TRAF1: variants seen among roughly 807,000 people sequenced by gnomAD.
TRAF1 encodes the protein TNF receptor-associated factor 1.
A neutral mutation model predicts 40.9 loss-of-function variants in TRAF1; 23 were observed. That is an observed-to-expected ratio of 0.56 (90% CI 0.40 to 0.80). The LOEUF is 0.80. TRAF1 is among the 30% of genes least tolerant of loss of function. The pLI, the probability that TRAF1 is intolerant of heterozygous loss-of-function variation, is 0.00. For missense variants in TRAF1, 477 were observed against 528.7 expected, an observed-to-expected ratio of 0.90 and a Z score of 0.96; for synonymous variants, 206 against 218.8, an observed-to-expected ratio of 0.94 and a Z score of 0.52.
rs541427140 is a variant in TRAF1 at position 120,902,689 on chromosome 9, A to C, written c.*2331T>G. ...ATCCTCTGCATTTCACAATATTCTC[A>C]GGCTGAGCTTAAAGGCCTGAAGCCT... On this transcript the variant is annotated 3_prime_UTR_variant, in exon 8 of 8. Transcript: ENST00000373887. 6.6e-5 allele frequency: 10 copies of C among 152,342 alleles called. No individual in the cohort carries two copies. Among genetic ancestry groups the C allele is most frequent in the African/African-American group, 2.4e-4 (10 of 41,546 alleles). 9.4% of individuals were successfully genotyped at this position (152,342 alleles called of 1,614,324 possible).
chr9:120,913,957 G>C (rs1054402281), intron 4 of TRAF1, among the ~76,000 whole-genome samples: 2 of 152,178 alleles, frequency 1.3e-5, no homozygotes, highest in African/African-American at 4.8e-5. Flanking sequence ...CCCTGCCCTG[G>C]AGTGCAAGGA....
chr9:120,909,537 G>A (rs186018255), intron 6 of TRAF1, among the ~76,000 whole-genome samples, 159 bp from the exon 7 acceptor site: 118 of 152,278 alleles, frequency 7.7e-4, no homozygotes, highest in Non-Finnish European at 1.5e-3. Flanking sequence ...GACAGGAATG[G>A]GCTCTTGGGG....
In TRAF1 at chr9:120,905,083, G is replaced by C. The variant is rs1223870503; in HGVS notation, c.1188C>G (p.Pro396=). 1.2e-6 allele frequency: 2 copies of C among 1,614,270 alleles called. No homozygotes were observed. The highest frequency in any genetic ancestry group is 2.2e-5 in the South Asian group (2 of 91,086). ...LFFPLSKLQS[P]KHAYVKDDTM... is the part of the protein sequence containing the mutation. ...TGTCGTCCTTCACGTAGGCGTGCTTGGGTGACTGCAGTTTGCTGAGGGGGA... is the reference window on the plus strand; with the variant it reads ...TGTCGTCCTTCACGTAGGCGTGCTTCGGTGACTGCAGTTTGCTGAGGGGGA... Residue 396 remains proline, a synonymous_variant, in exon 8 of 8, where the codon CCC becomes CCG. Transcript: ENST00000373887.
intron 3 of TRAF1, among the ~76,000 whole-genome samples, chr9:120,919,487 C>T (rs1340510239): frequency 6.6e-6 from 1 of 152,138 alleles, no homozygotes; most frequent in Non-Finnish European, 1.5e-5. Flanking sequence ...CTCTGCAGCC[C>T]CTGCACAGAA....
intron 3 of TRAF1, among the ~76,000 whole-genome samples, chr9:120,915,511 A>G (rs1401101244): frequency 1.3e-5 from 2 of 152,184 alleles, no homozygotes; most frequent in Non-Finnish European, 2.9e-5. Context: ...AACTCTTACA[A>G]CCTAATAAGA....
intron 4 of TRAF1, 112 bp from the exon 5 acceptor site, chr9:120,913,850 A>C: frequency 1.6e-6 from 2 of 1,273,076 alleles, no homozygotes; most frequent in Non-Finnish European, 2.1e-6. Context: ...ACCCAGCAAA[A>C]AGGAGTGGCT....
intron 3 of TRAF1, among the ~76,000 whole-genome samples, chr9:120,919,078 C>T (rs1418370611): frequency 1.3e-5 from 2 of 152,284 alleles, no homozygotes; most frequent in East Asian, 1.9e-4. Context: ...TGGCCTCACT[C>T]AAAGGCCAGG....
intron 2 of TRAF1, among the ~76,000 whole-genome samples, chr9:120,925,066 C>T (rs981302418): frequency 5.9e-5 from 9 of 152,254 alleles, no homozygotes; most frequent in Admixed American, 2.6e-4. Flanking sequence ...AGCCTCTCCT[C>T]GCTATTCTCA....
chr9:120,906,759 A>G (rs982468104), intron 7 of TRAF1, among the ~76,000 whole-genome samples: 1 of 152,222 alleles, frequency 6.6e-6, no homozygotes, highest in African/African-American at 2.4e-5. Context: ...CCATAACAGT[A>G]TCAAACAGAA....
At chr9:120,911,119 G>A (rs562244946) in intron 6 of TRAF1, among the ~76,000 whole-genome samples, 2 of 152,244 alleles carry the variant, frequency 1.3e-5, no homozygotes, top group Non-Finnish European at 2.9e-5. Flanking sequence ...TGGGGCCACC[G>A]CTATGTGTGG....
rs186886612 is a variant in TRAF1 at position 120,904,117 on chromosome 9, G to A, written c.*903C>T. 2 of 152,380 alleles carry A rather than the reference G, an allele frequency of 1.3e-5. No individual in the cohort carries two copies. The highest frequency in any genetic ancestry group is 1.3e-4 in the Admixed American group (2 of 15,308). 9.4% of individuals were successfully genotyped at this position (152,380 alleles called of 1,614,324 possible). ...AAGGTGGGGCCTCTAGGCAGGAAGA[G>A]GAAAGTTTATGCCCCTCTTCTTCTT... On this transcript the variant is annotated 3_prime_UTR_variant, in exon 8 of 8. Transcript: ENST00000373887.
chr9:120,919,402 C>T (rs888360313), intron 3 of TRAF1, among the ~76,000 whole-genome samples: 3 of 150,166 alleles, frequency 2.0e-5, no homozygotes, highest in Non-Finnish European at 4.5e-5. Context: ...TGGGCCCTAG[C>T]GGGGGGCCCC....
intron 3 of TRAF1, among the ~76,000 whole-genome samples, chr9:120,916,534 C>T (rs2131628412): frequency 6.6e-6 from 1 of 152,116 alleles, no homozygotes; most frequent in African/African-American, 2.4e-5. Context: ...TGGACGAAAG[C>T]AGGAGAGGAC....
At chr9:120,909,168 C>T in intron 7 of TRAF1, 62 bp downstream of exon 7, 1 of 1,568,326 alleles carries the variant, frequency 6.4e-7, no homozygotes, top group South Asian at 1.2e-5. Context: ...CATTGCCAAA[C>T]CAGGACTAGG....
chr9:120,923,119 A>G (rs767508946), intron 3 of TRAF1, among the ~76,000 whole-genome samples: 8 of 152,186 alleles, frequency 5.3e-5, no homozygotes, highest in Non-Finnish European at 8.8e-5. Flanking sequence ...AATTACAGGC[A>G]TGTAATTCTA....
chr9:120,913,745 A>G lies in TRAF1; in HGVS notation c.295-7T>C, dbSNP rs1366732135. 6.4e-7 allele frequency: 1 copy of G among 1,556,364 alleles called. No homozygotes were observed. The highest frequency in any genetic ancestry group is 8.7e-7 in the Non-Finnish European group (1 of 1,148,506). ...GCACAGACTGTGGGCTTCCCTGACA[A>G]GAGAGTGGGGCTGATCAGTGAAAAC... On this transcript the variant is annotated splice_region_variant and splice_polypyrimidine_tract_variant and intron_variant, in intron 4 of 7. Coordinates refer to ENST00000373887, the MANE Select transcript of TRAF1 (RefSeq NM_005658.5).
At chr9:120,910,636 A>G (rs1445801439) in intron 6 of TRAF1, among the ~76,000 whole-genome samples, 1 of 152,100 alleles carries the variant, frequency 6.6e-6, no homozygotes. Flanking sequence ...GCCTCAAATG[A>G]TCCTCTTGCC....
intron 2 of TRAF1, among the ~76,000 whole-genome samples, chr9:120,925,505 T>A (rs1471281432): frequency 6.6e-6 from 1 of 152,268 alleles, no homozygotes; most frequent in Non-Finnish European, 1.5e-5. Context: ...AGGAGAGATA[T>A]TCGTCTAACA....
At chr9:120,907,289 G>C (rs991804119) in intron 7 of TRAF1, among the ~76,000 whole-genome samples, 1 of 152,136 alleles carries the variant, frequency 6.6e-6, no homozygotes, top group Non-Finnish European at 1.5e-5. Context: ...TTCATGGCTT[G>C]ATAGCTCATT....
Sources: allele counts gnomAD v4.1 joint callset (sites outside exome capture counted in the v4.1 genomes callset), GRCh38; gene constraint gnomAD v4.1.1; transcripts MANE v1.5; gene names NCBI Gene and HGNC (gene_info 2026-07-23, HGNC 2026-07-21).